Variants in HERC2 observed in about 807,000 individuals in gnomAD.
HERC2 encodes HECT and RLD domain containing E3 ubiquitin protein ligase 2, also known as E3 ubiquitin-protein ligase HERC2.
Under a neutral mutation model 537.7 loss-of-function variants are expected in HERC2, and 102 were observed. The ratio of observed to expected loss-of-function variants is 0.19; its 90% CI spans 0.16 to 0.22. The LOEUF (loss-of-function observed/expected upper bound fraction) is 0.22. Ranked by LOEUF, HERC2 falls within the 10% of genes least tolerant of loss-of-function variation. The pLI, the probability that HERC2 is intolerant of heterozygous loss-of-function variation, is 1.00. For missense variants in HERC2, 4,236 were observed against 6,198.2 expected, an observed-to-expected ratio of 0.68 and a Z score of 10.63; for synonymous variants, 2,224 against 2,466.2, an observed-to-expected ratio of 0.90 and a Z score of 2.91.
At position 28,131,750 on chromosome 15, in the gene HERC2, C is replaced by CA. The variant is rs1487441717; in HGVS notation, c.12570+349dup. On this transcript the variant is annotated intron_variant, in intron 81 of 92. Transcript: ENST00000261609. Reference sequence around the variant, plus strand: ...CCCCAAGCGCGTGCCGTGGCAACTCCACACCACTGTAAACTGAGAGAGTGT... The same window carrying CA: ...CCCCAAGCGCGTGCCGTGGCAACTCCAACACCACTGTAAACTGAGAGAGTGT... Among the ~76,000 whole-genome samples, 8 of 152,266 alleles carry CA rather than the reference C, an allele frequency of 5.3e-5. No individual in the cohort carries two copies. The East Asian group carries it at 1.5e-3, about 29-fold the overall frequency.
chr15:28,301,981 G>C (rs1407250716), intron 2 of HERC2, among the ~76,000 whole-genome samples: 1 of 149,400 alleles, frequency 6.7e-6, no homozygotes, highest in Non-Finnish European at 1.5e-5. Flanking sequence ...TGTATTTTTG[G>C]TAGAGATGGG....
intron 79 of HERC2, 36 bp downstream of exon 79, chr15:28,135,442 C>T (rs557712650): frequency 9.8e-6 from 15 of 1,527,200 alleles, no homozygotes; most frequent in South Asian, 2.3e-5. Context: ...AAAACAAAGA[C>T]AAATAGAATG....
chr15:28,228,400 G>T lies in HERC2; in HGVS notation c.5282C>A (p.Pro1761Gln). 1.2e-6 allele frequency: 2 copies of T among 1,611,994 alleles called. No homozygotes were observed. Among genetic ancestry groups the T allele is most frequent in the East Asian group, 2.2e-5 (1 of 44,886 alleles). ...SAKFKELGIQ[P>Q]VPLQTITNEN... ...ATTGGTGATGGTTTGCAGGGGAACCGGCTGGATACCTAATGAGCATTGGCA... is the reference window on the plus strand; with the variant it reads ...ATTGGTGATGGTTTGCAGGGGAACCTGCTGGATACCTAATGAGCATTGGCA... The change falls in exon 35 of 93, where the codon CCG becomes CAG. Residue 1761 changes from proline (P) to glutamine (Q), a missense_variant. Pro to Gln is a moderately conservative substitution (Grantham distance 76). Coordinates refer to ENST00000261609, the MANE Select transcript of HERC2 (RefSeq NM_004667.6).
intron 78 of HERC2, among the ~76,000 whole-genome samples, chr15:28,138,893 G>T (rs543941960): frequency 2.6e-5 from 4 of 152,176 alleles, no homozygotes; most frequent in Non-Finnish European, 5.9e-5. Context: ...GTGATTCATG[G>T]GAGGAGGTGA....
chr15:28,175,468 C>T lies in HERC2; in HGVS notation c.9831+44G>A, dbSNP rs73379676. The T allele has an allele frequency of 0.014, 22,542 of 1,558,928 alleles. 2,889 individuals are homozygous for T. In the African/African-American group the frequency reaches 0.28, roughly 19 times the overall value. On this transcript the variant is annotated intron_variant, in intron 64 of 92. Coordinates refer to ENST00000261609, the MANE Select transcript of HERC2 (RefSeq NM_004667.6). Reference sequence around the variant, plus strand: ...GCCGTGTCATGACCCCCACGTCCCCCAAGTCAGGATGGCACGCCACCCCCA... The same window carrying T: ...GCCGTGTCATGACCCCCACGTCCCCTAAGTCAGGATGGCACGCCACCCCCA...
In HERC2 at chr15:28,178,959, C is replaced by T; in HGVS notation, c.9091G>A (p.Gly3031Arg). 3 of 1,614,206 alleles carry T rather than the reference C, an allele frequency of 1.9e-6. No individual in the cohort carries two copies. Among genetic ancestry groups the T allele is most frequent in the African/African-American group, 1.3e-5 (1 of 75,062 alleles). Residue 3031 changes from glycine to arginine, a missense_variant, in exon 59 of 93, where the codon GGG becomes AGG. Gly to Arg is a moderately radical substitution (Grantham distance 125). Around this residue, in one of 27 missense-constraint regions of HERC2, gnomAD observed 606 missense variants for 884.5 expected, o/e 0.69. Transcript: ENST00000261609. ...NGRLGLGISSGTVPIPRQITA... is the reference protein window; with the variant it reads ...NGRLGLGISSRTVPIPRQITA... ...ATCTGCCGTGGGATGGGCACCGTCC[C>T]GCTGGAAATGCCCAGCCCCAGCCGG...
chr15:28,321,583 G>T, intron 1 of HERC2, 119 bp from the exon 2 acceptor site: 1 of 484,540 alleles, frequency 2.1e-6, no homozygotes, highest in South Asian at 2.6e-5. Flanking sequence ...AAGAGCTGGT[G>T]GAGGGGAGAG....
At position 28,265,242 on chromosome 15, in the gene HERC2, AC is replaced by A. The variant is rs1484259033; in HGVS notation, c.1870+375del. Among the ~76,000 whole-genome samples, 7 of 152,198 alleles carry A rather than the reference AC, an allele frequency of 4.6e-5. No homozygotes were observed. Among genetic ancestry groups the A allele is most frequent in the African/African-American group, 1.7e-4 (7 of 41,450 alleles). ...AAACCAAAATTCAAAGCAAGCAGAT[AC>A]CGTAGCATCAGACTACAGAACACAG... On this transcript the variant is annotated intron_variant, in intron 14 of 92. Transcript: ENST00000261609. The surrounding 1 kb of genome is among the most constrained non-coding windows in gnomAD (Gnocchi z 4.0).
At chr15:28,304,606 C>T (rs2076728738) in intron 2 of HERC2, among the ~76,000 whole-genome samples, 1 of 151,938 alleles carries the variant, frequency 6.6e-6, no homozygotes, top group Non-Finnish European at 1.5e-5. Flanking sequence ...TCAAGTGATC[C>T]ACTCACCTCA....
intron 20 of HERC2, among the ~76,000 whole-genome samples, chr15:28,252,325 G>A (rs1201403344): frequency 4.6e-5 from 7 of 151,786 alleles, no homozygotes; most frequent in South Asian, 4.2e-4. Context: ...CGGGGAAAAC[G>A]GGCACTGCCC....
intron 4 of HERC2, among the ~76,000 whole-genome samples, chr15:28,289,407 A>ATAG (rs10626153): frequency 0.65 from 98,302 of 151,294 alleles, 34,251 homozygotes; most frequent in Non-Finnish European, 0.78. Context: ...ACCTTATAAC[A>ATAG]TTCTCAAATA....
At chr15:28,114,048 G>A (rs1187985357) in intron 90 of HERC2, among the ~76,000 whole-genome samples, 1 of 152,184 alleles carries the variant, frequency 6.6e-6, no homozygotes, top group Non-Finnish European at 1.5e-5. Context: ...ACGGGGGACA[G>A]CACCGCCCAG....
chr15:28,226,698 C>G (rs528336403), intron 35 of HERC2, among the ~76,000 whole-genome samples: 1 of 151,558 alleles, frequency 6.6e-6, no homozygotes, highest in Non-Finnish European at 1.5e-5. Flanking sequence ...TTGGAAATGG[C>G]TTTTTGGATA....
chr15:28,316,216 C>G (rs2077079073), intron 2 of HERC2, among the ~76,000 whole-genome samples: 1 of 107,320 alleles, frequency 9.3e-6, no homozygotes. Context: ...GAGTGAGACT[C>G]TGTCTCAAAA....
At chr15:28,206,629 C>T (rs1027243043) in intron 44 of HERC2, among the ~76,000 whole-genome samples, 2 of 151,620 alleles carry the variant, frequency 1.3e-5, no homozygotes, top group Non-Finnish European at 2.9e-5. Flanking sequence ...GTCAGGATAT[C>T]AAGACCATCC....
intron 20 of HERC2, among the ~76,000 whole-genome samples, chr15:28,251,418 G>A (rs1567072235): frequency 6.6e-6 from 1 of 151,288 alleles, no homozygotes; most frequent in Non-Finnish European, 1.5e-5. Flanking sequence ...ACTCCAGTCT[G>A]GGCAACAGAG....
At chr15:28,205,278 A>C (rs1382625430) in intron 45 of HERC2, among the ~76,000 whole-genome samples, 1 of 11,882 alleles carries the variant, frequency 8.4e-5, no homozygotes, top group Non-Finnish European at 2.8e-4. Context: ...GGCATCTCCC[A>C]GCATGACTGC....
intron 40 of HERC2, among the ~76,000 whole-genome samples, 189 bp from the exon 41 acceptor site, chr15:28,214,461 G>A (rs1288167821): frequency 1.3e-5 from 2 of 151,466 alleles, no homozygotes; most frequent in African/African-American, 2.4e-5. Context: ...GAAGGGAGAC[G>A]GCCACGCACC....
chr15:28,140,199 C>T (rs1891071512), intron 78 of HERC2, among the ~76,000 whole-genome samples: 1 of 152,116 alleles, frequency 6.6e-6, no homozygotes, highest in Admixed American at 6.5e-5. Context: ...TGATCAAGGG[C>T]TTCTACTCAA....
Sources: gnomAD v4.1 joint callset for allele counts (sites outside exome capture counted in the v4.1 genomes callset) on GRCh38, gnomAD v4.1.1 for gene constraint, gnomAD v4.1.1 regional missense constraint, Gnocchi (gnomAD v3.1) non-coding constraint, MANE v1.5 for transcripts, NCBI Gene and HGNC (gene_info 2026-07-23, HGNC 2026-07-21) for gene names.